ADAMTS17: variants seen among roughly 807,000 people sequenced by gnomAD.
ADAMTS17 encodes A disintegrin and metalloproteinase with thrombospondin motifs 17.
A neutral mutation model predicts 141.5 loss-of-function variants in ADAMTS17; 113 were observed. The observed-to-expected ratio is 0.80, with a 90% CI of 0.69 to 0.93. The LOEUF is 0.93. Ranked by LOEUF, ADAMTS17 falls within the 40% of genes least tolerant of loss-of-function variation. ADAMTS17 has a pLI of 0.00. For missense variants in ADAMTS17, 1,659 were observed against 1,517.9 expected (o/e 1.09, Z -1.54); for synonymous variants, 768 against 630.6 (o/e 1.22, Z -3.27).
intron 9 of ADAMTS17, among the ~76,000 whole-genome samples, chr15:100,154,543 G>A (rs2039340616): frequency 6.6e-6 from 1 of 152,064 alleles, no homozygotes; most frequent in African/African-American, 2.4e-5. Context: ...CAGTGACCAG[G>A]GCCTGCACAG....
At chr15:100,257,416 G>A (rs2043363685) in intron 6 of ADAMTS17, among the ~76,000 whole-genome samples, 1 of 152,216 alleles carries the variant, frequency 6.6e-6, no homozygotes, top group South Asian at 2.1e-4. Context: ...GGACCCAGAA[G>A]ACGGGACGTG....
chr15:100,202,724 A>C (rs772842889), intron 7 of ADAMTS17, among the ~76,000 whole-genome samples: 2 of 152,238 alleles, frequency 1.3e-5, no homozygotes, highest in Non-Finnish European at 2.9e-5. Flanking sequence ...AGAAGGCACC[A>C]AGCTGGGAAA....
At chr15:100,149,775 C>T (rs2039077448) in intron 10 of ADAMTS17, among the ~76,000 whole-genome samples, 1 of 152,200 alleles carries the variant, frequency 6.6e-6, no homozygotes, top group Admixed American at 6.5e-5. Context: ...ATCCATGAGT[C>T]ACACCTCCTA....
chr15:100,190,548 CCAGAATGAGAA>C (rs1567325352), intron 8 of ADAMTS17, among the ~76,000 whole-genome samples: 1 of 152,116 alleles, frequency 6.6e-6, no homozygotes, highest in African/African-American at 2.4e-5. Flanking sequence ...GAGGTCATTT[CCAGAATGAGAA>C]GAGAATGGTT....
At chr15:100,068,039 G>A (rs1381595065) in intron 15 of ADAMTS17, among the ~76,000 whole-genome samples, 5 of 152,102 alleles carry the variant, frequency 3.3e-5, no homozygotes, top group Admixed American at 6.5e-5. Context: ...CTGGAAAATC[G>A]GGTCACTCCC....
At chr15:100,050,442 G>A (rs766670457) in intron 17 of ADAMTS17, among the ~76,000 whole-genome samples, 1 of 152,202 alleles carries the variant, frequency 6.6e-6, no homozygotes, top group Non-Finnish European at 1.5e-5. Context: ...CCGGGGAGAG[G>A]TGCAGAGTGG....
At chr15:100,243,679 A>C (rs1446850300) in intron 7 of ADAMTS17, among the ~76,000 whole-genome samples, 1 of 152,034 alleles carries the variant, frequency 6.6e-6, no homozygotes, top group Non-Finnish European at 1.5e-5. Flanking sequence ...AATCCCAGCT[A>C]CGTGGGAGGC....
chr15:100,234,909 A>G (rs2042606831), intron 7 of ADAMTS17, among the ~76,000 whole-genome samples: 1 of 152,258 alleles, frequency 6.6e-6, no homozygotes, highest in Non-Finnish European at 1.5e-5. Flanking sequence ...AGGAGACAAT[A>G]GAAAATATCT....
At chr15:100,292,536 G>A (rs994869821) in intron 3 of ADAMTS17, among the ~76,000 whole-genome samples, 10 of 151,900 alleles carry the variant, frequency 6.6e-5, no homozygotes, top group Admixed American at 2.6e-4. Flanking sequence ...CACTCACCCC[G>A]TGAGAAATTA....
At chr15:100,007,701 G>T (rs888405517) in intron 18 of ADAMTS17, among the ~76,000 whole-genome samples, 4 of 152,114 alleles carry the variant, frequency 2.6e-5, no homozygotes, top group African/African-American at 9.7e-5. Flanking sequence ...GAGCTGGCCT[G>T]CGGTGGAAGG....
chr15:100,064,250 C>A (rs1049224964), intron 15 of ADAMTS17, among the ~76,000 whole-genome samples: 1 of 152,152 alleles, frequency 6.6e-6, no homozygotes, highest in African/African-American at 2.4e-5. Flanking sequence ...AGAAGTTAGG[C>A]AAGAAGCATG....
At chr15:100,108,182 T>TA (rs927609472) in intron 14 of ADAMTS17, among the ~76,000 whole-genome samples, 4 of 151,370 alleles carry the variant, frequency 2.6e-5, no homozygotes, top group African/African-American at 7.3e-5. Context: ...CCTTTTTTTT[T>TA]TCCCCCCGAG....
chr15:100,102,525 G>GGGCCGACCGAAGGGGATCTACATTTGAA (rs1418922048), intron 14 of ADAMTS17, among the ~76,000 whole-genome samples: 1 of 123,556 alleles, frequency 8.1e-6, no homozygotes, highest in African/African-American at 3.2e-5. Flanking sequence ...CTACATTTGA[G>GGGCCGACCGAAGGGGATCTACATTTGAA]GGCCGACCGA....
chr15:100,196,294 G>C (rs1245863716), intron 8 of ADAMTS17, among the ~76,000 whole-genome samples: 1 of 152,240 alleles, frequency 6.6e-6, no homozygotes. Context: ...ATAATTCCAG[G>C]ATGTAGATGA....
intron 7 of ADAMTS17, among the ~76,000 whole-genome samples, chr15:100,222,105 G>C (rs913043897): frequency 6.6e-6 from 1 of 152,168 alleles, no homozygotes; most frequent in African/African-American, 2.4e-5. Flanking sequence ...TGCAGGAGCG[G>C]GATCAGCTGC....
chr15:100,088,174 A>C (rs1283434405), intron 15 of ADAMTS17, among the ~76,000 whole-genome samples: 2 of 152,208 alleles, frequency 1.3e-5, no homozygotes, highest in Non-Finnish European at 2.9e-5. Context: ...CAAAAATCAC[A>C]AGCATTCTTA....
chr15:100,147,469 T>G (rs986838140), intron 10 of ADAMTS17, among the ~76,000 whole-genome samples: 15 of 152,304 alleles, frequency 9.8e-5, no homozygotes, highest in Non-Finnish European at 2.1e-4. Flanking sequence ...CAAACCTGTA[T>G]AGCGTGGTAC....
intron 18 of ADAMTS17, among the ~76,000 whole-genome samples, chr15:100,020,216 C>A (rs564573883): frequency 6.6e-6 from 1 of 152,302 alleles, no homozygotes; most frequent in South Asian, 2.1e-4. Flanking sequence ...GCAGACCTCC[C>A]CAGCATTCCA....
Position 100,096,475 on chromosome 15 carries a change from T to A in ADAMTS17, c.2018A>T (p.Lys673Ile), listed in dbSNP as rs1261114667. The part of the protein sequence containing the change: ...TDLCVHGKCQ[K>I]IGCDGIIGSA... ...CCCGATGATGCCGTCACAGCCGATTTTCTAAAGAACCAGAGGGCCTCATTA... is the reference window on the plus strand; with the variant it reads ...CCCGATGATGCCGTCACAGCCGATTATCTAAAGAACCAGAGGGCCTCATTA... The change falls in exon 15 of 22, where the codon AAA becomes ATA. Residue 673 changes from lysine (K) to isoleucine (I), a missense_variant and splice_region_variant. Coordinates refer to ENST00000268070, the MANE Select transcript of ADAMTS17 (RefSeq NM_139057.4). 1 of 1,614,142 alleles carries A rather than the reference T, an allele frequency of 6.2e-7. No individual in the cohort carries two copies. The highest frequency in any genetic ancestry group is 8.5e-7 in the Non-Finnish European group (1 of 1,180,024).
Sources: gnomAD v4.1 joint callset for allele counts (sites outside exome capture counted in the v4.1 genomes callset) on GRCh38, gnomAD v4.1.1 for gene constraint, MANE v1.5 for transcripts, NCBI Gene and HGNC (gene_info 2026-07-23, HGNC 2026-07-21) for gene names.